The following HAUS7 variants were observed in gnomAD, a reference collection of about 807,000 sequenced individuals.
HAUS7 encodes the protein HAUS augmin like complex subunit 7.
HAUS7 carries 3 observed loss-of-function variants against 28.4 expected under a neutral mutation model. The ratio of observed to expected loss-of-function variants is 0.11; its 90% CI spans 0.05 to 0.27. The LOEUF (loss-of-function observed/expected upper bound fraction) is 0.27. Among genes scored for constraint, HAUS7 ranks in the 10% least tolerant of loss-of-function variants. The pLI, the probability that HAUS7 is intolerant of heterozygous loss-of-function variation, is 1.00. For synonymous variants in HAUS7, 165 were observed against 132.1 expected (o/e 1.25, Z -1.71); for missense variants, 284 against 297.3 (o/e 0.96, Z 0.33).
intron 1 of HAUS7, among the ~76,000 whole-genome samples, chrX:153,484,446 G>A (rs1451700858): frequency 8.9e-6 from 1 of 111,825 alleles, no homozygotes; most frequent in Non-Finnish European, 1.9e-5. Context: ...ACCAGATGCT[G>A]TAGGGCTGTA....
In HAUS7 at chrX:153,491,395, C is replaced by T. The variant is rs192649202; in HGVS notation, c.-589+3979G>A. The stretch of plus-strand genomic sequence containing the variant: ...AGACAGGGCACAAACAGCTGCAAGC[C>T]AGCTGTGGGGGACAGGCTGCAGCTG... On this transcript the variant is annotated intron_variant, in intron 1 of 5. Transcript: ENST00000370210. Among the ~76,000 whole-genome samples, 212 of 112,874 alleles carry T rather than the reference C, an allele frequency of 1.9e-3. 1 individual carries two copies. The highest frequency in any genetic ancestry group is 6.3e-3 in the African/African-American group (197 of 31,096).
rs782276820 is a variant in HAUS7, at chrX:153,469,911, G to A, written c.108+539C>T. 5.4e-5 allele frequency among the ~76,000 whole-genome samples: 6 copies of A among 111,108 alleles called. No individual in the cohort carries two copies. The South Asian group carries it at 2.3e-3, about 42-fold the overall frequency. The stretch of plus-strand genomic sequence containing the variant: ...CGCGGACAGGATGGGGGAGTGTCTG[G>A]GGGGAGGAGCGAGCGGGCCGAGGGG... On this transcript the variant is annotated intron_variant, in intron 1 of 9. Coordinates refer to ENST00000370211, the MANE Select transcript of HAUS7 (RefSeq NM_001385482.1).
intron 8 of HAUS7, 66 bp downstream of exon 8, chrX:153,455,476 T>G: frequency 1.4e-6 from 1 of 733,732 alleles, no homozygotes; most frequent in Non-Finnish European, 2.1e-6. Flanking sequence ...CCAAGCAGGA[T>G]ATAAGCTCTC....
At chrX:153,491,376 G>A (rs948932556) in intron 1 of HAUS7, among the ~76,000 whole-genome samples, 8 of 112,639 alleles carry the variant, frequency 7.1e-5, no homozygotes, top group South Asian at 3.6e-4. Flanking sequence ...TTGAAGACAG[G>A]GCACAAACAG....
intron 1 of HAUS7, among the ~76,000 whole-genome samples, chrX:153,488,654 A>G (rs2089653381): frequency 9.0e-6 from 1 of 110,752 alleles, no homozygotes; most frequent in South Asian, 3.8e-4. Flanking sequence ...CGCTGGCCCC[A>G]CTCTCCCAGC....
intron 2 of HAUS7, 148 bp downstream of exon 2, chrX:153,468,998 A>T: frequency 2.2e-6 from 1 of 461,056 alleles, no homozygotes; most frequent in Non-Finnish European, 3.8e-6. Context: ...TTACCTACAC[A>T]GCTGTTCTCA....
chrX:153,457,184 C>A lies in HAUS7; in HGVS notation c.399G>T (p.Leu133Phe), dbSNP rs1307682676. ...TGGTCAGGCTCCGGATGGTATCGAG[C>A]AACTGGTCCATGAAGTGTAGCTGCT... ...AQKQLHFMDQLLDTIRSLTIG... is the reference protein window; with the variant it reads ...AQKQLHFMDQFLDTIRSLTIG... The change falls in exon 5 of 10, where the codon TTG (leucine) becomes TTT (phenylalanine). Residue 133 changes from leucine (L) to phenylalanine (F), a missense_variant. Coordinates refer to ENST00000370211, the MANE Select transcript of HAUS7 (RefSeq NM_001385482.1). 6 of 1,204,637 alleles carry A rather than the reference C, an allele frequency of 5.0e-6. No individual in the cohort carries two copies. In the East Asian group the frequency reaches 1.5e-4, roughly 30 times the overall value.
At chrX:153,465,200 C>T (rs1379910951) in intron 2 of HAUS7, 145 bp from the exon 3 acceptor site, 2 of 370,794 alleles carry the variant, frequency 5.4e-6, no homozygotes, top group Non-Finnish European at 9.4e-6. Context: ...TTCTGTGTCA[C>T]GTGGATTTCA....
intron 1 of HAUS7, chrX:153,482,515 A>T: frequency 4.0e-6 from 3 of 748,129 alleles, no homozygotes; most frequent in Non-Finnish European, 4.7e-6. Context: ...CAGGTGCCCC[A>T]CCCCCAGGAC....
In HAUS7 at chrX:153,462,092, G is replaced by A. The variant is rs190173065; in HGVS notation, c.354+518C>T. On this transcript the variant is annotated intron_variant, in intron 4 of 9. Transcript: ENST00000370211. ...TCTTCAGATATAAAAAAAAGAAAAC[G>A]TGTTCAGTCAAAAATCATATGCAAG... 1.1e-3 allele frequency: 1,115 copies of A among 1,010,617 alleles called. 6 individuals are homozygous for A. In the African/African-American group the frequency reaches 0.016, roughly 15 times the overall value. 83.3% of individuals were successfully genotyped at this position (1,010,617 alleles called of 1,213,427 possible). A position where few individuals can be genotyped will look rare whatever the true frequency, so the allele number is the denominator to read the frequency against.
chrX:153,452,711 G>A (rs1023499850), intron 9 of HAUS7, among the ~76,000 whole-genome samples: 9 of 112,065 alleles, frequency 8.0e-5, no homozygotes, highest in African/African-American at 2.3e-4. Context: ...GGCTGGGCGC[G>A]GTGGCTCATA....
At chrX:153,487,939 C>T (rs925357977) in intron 1 of HAUS7, among the ~76,000 whole-genome samples, 7 of 112,811 alleles carry the variant, frequency 6.2e-5, no homozygotes, top group African/African-American at 9.7e-5. Flanking sequence ...CCCTGGGAAC[C>T]GGATGGGTTT....
chrX:153,461,879 C>A, intron 4 of HAUS7: 1 of 328,700 alleles, frequency 3.0e-6, no homozygotes, highest in Non-Finnish European at 5.4e-6. Context: ...AGCAATTCCA[C>A]TCCCAGCTAT....
intron 1 of HAUS7, among the ~76,000 whole-genome samples, chrX:153,493,354 C>T (rs1309967411): frequency 8.9e-6 from 1 of 112,055 alleles, no homozygotes; most frequent in Non-Finnish European, 1.9e-5. Flanking sequence ...AGTCAGGCTT[C>T]GCTGCCTGTC....
intron 1 of HAUS7, chrX:153,480,563 ACTGGCT>A (rs782142452): frequency 3.9e-4 from 290 of 753,233 alleles, no homozygotes; most frequent in Non-Finnish European, 3.8e-4. Flanking sequence ...CCCAGCCCAC[ACTGGCT>A]CCTTCCGCAG....
At chrX:153,456,948 A>C in intron 5 of HAUS7, 189 bp downstream of exon 5, 1 of 442,848 alleles carries the variant, frequency 2.3e-6, no homozygotes, top group Non-Finnish European at 3.9e-6. Flanking sequence ...AACAGCCAGC[A>C]CCCTTGGGAC....
intron 1 of HAUS7, among the ~76,000 whole-genome samples, chrX:153,485,377 C>T (rs1467758474): frequency 4.5e-5 from 5 of 111,639 alleles, no homozygotes; most frequent in Non-Finnish European, 9.5e-5. Context: ...AGATTTTAGG[C>T]GTCACCCTCT....
At chrX:153,485,073 G>A (rs1428803224) in intron 1 of HAUS7, among the ~76,000 whole-genome samples, 2 of 112,651 alleles carry the variant, frequency 1.8e-5, no homozygotes, top group Non-Finnish European at 3.8e-5. Flanking sequence ...CTGCTGCTGG[G>A]GTCAGGGCCT....
At chrX:153,485,992 G>T (rs781884493) in intron 1 of HAUS7, 18 of 979,592 alleles carry the variant, frequency 1.8e-5, no homozygotes, top group Non-Finnish European at 2.3e-5. Context: ...TGCGCGCCTC[G>T]CTGGCGGAGC....
Sources: allele counts gnomAD v4.1 joint callset (sites outside exome capture counted in the v4.1 genomes callset), GRCh38; gene constraint gnomAD v4.1.1; transcripts MANE v1.5; gene names NCBI Gene and HGNC (gene_info 2026-07-23, HGNC 2026-07-21).